Variants in RGS6 observed in about 807,000 individuals in gnomAD.
RGS6 encodes the protein regulator of G-protein signaling 6.
A neutral mutation model predicts 78.5 loss-of-function variants in RGS6; 30 were observed. That is an observed-to-expected ratio of 0.38 (90% confidence interval 0.29 to 0.52). The LOEUF (loss-of-function observed/expected upper bound fraction) is 0.52. RGS6 is among the 20% of genes least tolerant of loss of function. The pLI, the probability that RGS6 is intolerant of heterozygous loss-of-function variation, is 0.85. For missense variants in RGS6, 495 were observed against 609.7 expected (o/e 0.81, Z 1.98); for synonymous variants, 206 against 206.0 (o/e 1.00, Z 0.00).
At chr14:72,482,365 C>G (rs1447533633) in intron 12 of RGS6, among the ~76,000 whole-genome samples, 1 of 152,200 alleles carries the variant, frequency 6.6e-6, no homozygotes, top group South Asian at 2.1e-4. Flanking sequence ...GCTTTCTCTA[C>G]TAACCCTTCC....
the RGS6 span, among the ~76,000 whole-genome samples, chr14:71,887,381 A>T: frequency 2.0e-5 from 3 of 152,146 alleles, no homozygotes; most frequent in East Asian, 1.9e-4. Flanking sequence ...ATAAGGTCAC[A>T]CTGCCTGCAG....
At chr14:72,266,535 T>A (rs1052245411) in intron 2 of RGS6, among the ~76,000 whole-genome samples, 7 of 152,220 alleles carry the variant, frequency 4.6e-5, no homozygotes, top group African/African-American at 1.7e-4. Context: ...GAAGATTATA[T>A]TGCTTTCTCC....
intron 1 of RGS6, among the ~76,000 whole-genome samples, chr14:71,951,929 G>A (rs1404881972): frequency 1.3e-5 from 2 of 152,046 alleles, no homozygotes; most frequent in Non-Finnish European, 2.9e-5. Flanking sequence ...ATACAATTGA[G>A]TTTTATATAT....
intron 2 of RGS6, among the ~76,000 whole-genome samples, chr14:72,076,955 T>TAC (rs1030338478): frequency 3.4e-5 from 5 of 147,524 alleles, no homozygotes; most frequent in Admixed American, 1.4e-4. Context: ...CCAAATTTTA[T>TAC]ATATATATAT....
intron 2 of RGS6, among the ~76,000 whole-genome samples, chr14:72,146,653 C>T (rs2096610837): frequency 6.6e-6 from 1 of 152,134 alleles, no homozygotes; most frequent in African/African-American, 2.4e-5. Flanking sequence ...GAGTTCAAAA[C>T]CCAACAGGAA....
chr14:72,124,318 G>T (rs1342760110), intron 2 of RGS6, among the ~76,000 whole-genome samples: 2 of 152,114 alleles, frequency 1.3e-5, no homozygotes, highest in Non-Finnish European at 2.9e-5. Flanking sequence ...AACCTGCCTT[G>T]TACAGTTCGC....
chr14:72,493,871 C>T (rs1208267349), intron 12 of RGS6, among the ~76,000 whole-genome samples: 1 of 152,048 alleles, frequency 6.6e-6, no homozygotes, highest in African/African-American at 2.4e-5. Context: ...GAGATAAAAG[C>T]ATTTTTAGAC....
At chr14:72,037,446 C>G (rs1431112435) in intron 2 of RGS6, among the ~76,000 whole-genome samples, 8 of 152,196 alleles carry the variant, frequency 5.3e-5, no homozygotes, top group Non-Finnish European at 1.2e-4. Context: ...ACTCTGGATA[C>G]ATCTGAAGGA....
chr14:71,880,401 A>C, the RGS6 span, among the ~76,000 whole-genome samples: 1 of 152,194 alleles, frequency 6.6e-6, no homozygotes, highest in Non-Finnish European at 1.5e-5. Flanking sequence ...GTCTCCAGGG[A>C]ATGTCAGAAG....
At chr14:72,280,054 T>C (rs1341601416) in intron 2 of RGS6, among the ~76,000 whole-genome samples, 2 of 152,160 alleles carry the variant, frequency 1.3e-5, no homozygotes, top group African/African-American at 4.8e-5. Flanking sequence ...TAACATGTAT[T>C]CCTGCTTATC....
At chr14:72,499,173 C>A (rs551755654) in intron 13 of RGS6, among the ~76,000 whole-genome samples, 2 of 152,288 alleles carry the variant, frequency 1.3e-5, no homozygotes, top group East Asian at 3.9e-4. Context: ...TTAGGGGAAC[C>A]CACTTGGATC....
chr14:72,369,188 C>A (rs1430684456), intron 3 of RGS6, among the ~76,000 whole-genome samples: 1 of 152,158 alleles, frequency 6.6e-6, no homozygotes, highest in Admixed American at 6.5e-5. Flanking sequence ...TCTGGGTGTG[C>A]CCTAAATACA....
At chr14:72,039,779 CT>C (rs902864730) in intron 2 of RGS6, among the ~76,000 whole-genome samples, 2 of 125,730 alleles carry the variant, frequency 1.6e-5, no homozygotes, top group African/African-American at 5.8e-5. Context: ...TTCCTTTTTC[CT>C]TTTTATTTGC....
intron 2 of RGS6, among the ~76,000 whole-genome samples, chr14:72,253,847 A>G (rs1350138302): frequency 3.3e-5 from 5 of 152,212 alleles, no homozygotes; most frequent in South Asian, 2.1e-4. Context: ...ACTAAGATGT[A>G]TGGGGTGTTT....
the RGS6 span, among the ~76,000 whole-genome samples, chr14:71,909,519 G>A: frequency 6.6e-6 from 1 of 151,324 alleles, no homozygotes; most frequent in Admixed American, 6.6e-5. Flanking sequence ...GACAGAGGGT[G>A]TGGGGAGAGA....
intron 2 of RGS6, among the ~76,000 whole-genome samples, chr14:72,304,943 T>C (rs1296112690): frequency 3.9e-5 from 6 of 152,196 alleles, no homozygotes; most frequent in Admixed American, 3.3e-4. Context: ...TGTACCAATT[T>C]AGACCCCCAC....
intron 2 of RGS6, among the ~76,000 whole-genome samples, chr14:72,164,189 T>G (rs1001307306): frequency 2.0e-5 from 3 of 152,132 alleles, no homozygotes; most frequent in African/African-American, 7.2e-5. Context: ...TTGTTTTCTT[T>G]TATGCAAAGG....
chr14:72,274,204 G>A (rs1309190335), intron 2 of RGS6, among the ~76,000 whole-genome samples: 1 of 152,208 alleles, frequency 6.6e-6, no homozygotes, highest in East Asian at 1.9e-4. Flanking sequence ...GGATAGGAGA[G>A]GTTCTGGCAC....
At chr14:72,197,809 T>C (rs1258290996) in intron 2 of RGS6, among the ~76,000 whole-genome samples, 1 of 152,082 alleles carries the variant, frequency 6.6e-6, no homozygotes, top group African/African-American at 2.4e-5. Context: ...GCTGTCTTGA[T>C]AGCTCTGAGG....
Sources: allele counts gnomAD v4.1 joint callset (sites outside exome capture counted in the v4.1 genomes callset), GRCh38; gene constraint gnomAD v4.1.1; transcripts MANE v1.5; gene names NCBI Gene and HGNC (gene_info 2026-07-23, HGNC 2026-07-21).